The following NAALADL1 variants were observed in gnomAD, a reference collection of about 807,000 sequenced individuals.
NAALADL1 encodes aminopeptidase NAALADL1.
NAALADL1 carries 77 observed loss-of-function variants against 82.8 expected under a neutral mutation model. The observed-to-expected ratio is 0.93, with a 90% CI of 0.77 to 1.12. The LOEUF (loss-of-function observed/expected upper bound fraction) is 1.12. Among genes scored for constraint, NAALADL1 ranks in the 50% most tolerant of loss-of-function variants. The pLI is 0.00. For synonymous variants in NAALADL1, 358 were observed against 399.2 expected (o/e 0.90, Z 1.23); for missense variants, 956 against 964.0 (o/e 0.99, Z 0.11).
Position 65,054,777 on chromosome 11 carries a change from C to T in NAALADL1, c.604-39G>A, listed in dbSNP as rs368431974. ...AGGAGGCTGTGTGTAAGGGAGGGAC[C>T]GGGACCAGATATGTCCTATTCCTCT... On this transcript the variant is annotated intron_variant, in intron 4 of 17. Coordinates refer to ENST00000358658, the MANE Select transcript of NAALADL1 (RefSeq NM_005468.3). The surrounding 1 kb of genome is among the most constrained non-coding windows in gnomAD (Gnocchi z 4.3). 9.1e-5 allele frequency: 145 copies of T among 1,597,060 alleles called. No individual in the cohort carries two copies. The highest frequency in any genetic ancestry group is 1.1e-4 in the Non-Finnish European group (133 of 1,172,260).
chr11:65,057,081 G>A (rs1947059677), intron 4 of NAALADL1, among the ~76,000 whole-genome samples: 1 of 152,188 alleles, frequency 6.6e-6, no homozygotes, highest in Non-Finnish European at 1.5e-5. Flanking sequence ...GACTTAAGTT[G>A]AATATTCAAA....
intron 8 of NAALADL1, among the ~76,000 whole-genome samples, chr11:65,051,597 G>T (rs1030589537): frequency 6.6e-6 from 1 of 151,998 alleles, no homozygotes; most frequent in South Asian, 2.1e-4. Flanking sequence ...CTTCGAAAGT[G>T]CAGGGATAAC....
chr11:65,054,263 A>C lies in NAALADL1; in HGVS notation c.979T>G (p.Phe327Val). ...LGPGFRPDGD[F>V]PADSQVNVSV... ...GCTGCATCTCACCTGTCTGCTGGGA[A>C]GTCTCCGTCAGGCCGGAAGCCGGGA... is the stretch of plus-strand genomic sequence containing the variant. The change falls in exon 6 of 18, where the codon TTC (phenylalanine) becomes GTC (valine). Residue 327 changes from phenylalanine to valine, a missense_variant. By Grantham distance (50) the Phe-to-Val change is conservative (BLOSUM62 -1). Transcript: ENST00000358658. The surrounding 1 kb of genome is among the most constrained non-coding windows in gnomAD (Gnocchi z 4.3). The C allele has an allele frequency of 6.2e-7, 1 of 1,613,982 alleles. No individual in the cohort carries two copies. The highest frequency in any genetic ancestry group is 8.5e-7 in the Non-Finnish European group (1 of 1,179,920).
Position 65,046,017 on chromosome 11 carries a change from C to T in NAALADL1, c.1943+10G>A. 1.2e-6 allele frequency: 2 copies of T among 1,613,486 alleles called. No individual in the cohort carries two copies. Among genetic ancestry groups the T allele is most frequent in the South Asian group, 1.1e-5 (1 of 90,986 alleles). ...TGCCCTCCCAGCCCCTGCCCGCTGC[C>T]CTTGCTCACTCAGGGCTGCCCTTCT... On this transcript the variant is annotated intron_variant, in intron 16 of 17. Transcript: ENST00000358658.
Position 65,054,718 on chromosome 11 carries a change from G to A in NAALADL1, c.624C>T (p.His208=), listed in dbSNP as rs746633294. Residue 208 remains histidine (H), a synonymous_variant, in exon 5 of 18, where the codon CAC becomes CAT. Transcript: ENST00000358658. The surrounding 1 kb of genome is among the most constrained non-coding windows in gnomAD (Gnocchi z 4.3). ...RGAKAVNAAK[H]GVAGVLVYTD... ...TGTACACCAGCACCCCAGCTACCCC[G>A]TGCTTGGCAGCGTTCACAGCCTGCA... The A allele has an allele frequency of 4.4e-5, 71 of 1,613,698 alleles. No homozygotes were observed. In the Middle Eastern group the frequency reaches 4.9e-4, roughly 11 times the overall value.
At position 65,047,661 on chromosome 11, in the gene NAALADL1, G is replaced by T; in HGVS notation, c.1494C>A (p.Tyr498Ter). 1 of 1,605,550 alleles carries T rather than the reference G, an allele frequency of 6.2e-7. No homozygotes were observed. Among genetic ancestry groups the T allele is most frequent in the South Asian group, 1.1e-5 (1 of 88,740 alleles). ...CCTGGGCTTACCTGGGGACCAGGCC[G>T]TACACCGGGCTGCTGCGGTTGAAGT... ...IRYFNRSSPVYGLVPSLGSLG... is the reference protein window; with the variant it reads ...IRYFNRSSPV Residue 498 changes from tyrosine (Y) to a stop codon, truncating the protein, a stop_gained, in exon 12 of 18, where the codon TAC becomes TAA. Transcript: ENST00000358658. LOFTEE classifies it high-confidence loss of function.
intron 10 of NAALADL1, 39 bp downstream of exon 10, chr11:65,048,113 C>G: frequency 6.2e-7 from 1 of 1,614,098 alleles, no homozygotes; most frequent in African/African-American, 1.3e-5. Flanking sequence ...CCAGTCGTCC[C>G]GCCGTCTCCT....
Position 65,058,409 on chromosome 11 carries a change from T to A in NAALADL1, c.113A>T (p.Gln38Leu), listed in dbSNP as rs753786831. 3 of 1,613,990 alleles carry A rather than the reference T, an allele frequency of 1.9e-6. No homozygotes were observed. The South Asian group carries it at 3.3e-5, about 18-fold the overall frequency. ...IPKKANSLAPQDLDLEILETV... is the reference protein window; with the variant it reads ...IPKKANSLAPLDLDLEILETV... ...CTCCAGGATCTCCAGGTCCAGGTCC[T>A]GGGGGGCCAGTGAGTTGGCTTTTTT... The change falls in exon 1 of 18, where the codon CAG becomes CTG. Residue 38 changes from glutamine (Q) to leucine (L), a missense_variant. Physicochemically the swap from Gln to Leu is moderately radical, Grantham distance 113. Transcript: ENST00000358658.
chr11:65,047,666 C>T lies in NAALADL1; in HGVS notation c.1489G>A (p.Val497Met), dbSNP rs200312525. 129 of 1,606,750 alleles carry T rather than the reference C, an allele frequency of 8.0e-5. 1 individual carries two copies. The African/African-American group carries it at 1.6e-3, about 19-fold the overall frequency. ...GCTTACCTGGGGACCAGGCCGTACA[C>T]CGGGCTGCTGCGGTTGAAGTACCGG... ...WIRYFNRSSP[V>M]YGLVPSLGSL... The change falls in exon 12 of 18, where the codon GTG (valine) becomes ATG (methionine). Residue 497 changes from valine (V) to methionine (M), a missense_variant. Val to Met is a conservative substitution (Grantham distance 21, BLOSUM62 1). Transcript: ENST00000358658.
intron 17 of NAALADL1, 63 bp downstream of exon 17, chr11:65,045,759 A>C: frequency 2.0e-6 from 3 of 1,486,680 alleles, no homozygotes; most frequent in Non-Finnish European, 2.8e-6. Flanking sequence ...ACCTCGTCTC[A>C]GGTGGGGAGC....
rs1263271331 is a variant in NAALADL1 at position 65,046,447 on chromosome 11, G to A, written c.1679C>T (p.Pro560Leu). Residue 560 changes from proline to leucine, a missense_variant and splice_region_variant, in exon 14 of 18, where the codon CCG becomes CTG. Pro to Leu is a moderately conservative substitution (Grantham distance 98, BLOSUM62 -3). Transcript: ENST00000358658. ...TFDYVDKFLD[P>L]GFSSHQAVAR... The stretch of plus-strand genomic sequence containing the variant: ...ATGCCCCTTGTCTCCCTCCTCACCC[G>A]GGTCCAAAAACTTGTCCACATAGTC... The A allele has an allele frequency of 1.1e-5, 17 of 1,614,114 alleles. No individual in the cohort carries two copies. Among genetic ancestry groups the A allele is most frequent in the Non-Finnish European group, 1.4e-5 (17 of 1,180,022 alleles).
chr11:65,046,555 G>A lies in NAALADL1; in HGVS notation c.1600-29C>T, dbSNP rs757053684. The A allele has an allele frequency of 3.1e-5, 50 of 1,608,978 alleles. No individual in the cohort carries two copies. In the African/African-American group the frequency reaches 4.3e-4, roughly 14 times the overall value. On this transcript the variant is annotated intron_variant, in intron 13 of 17. Coordinates refer to ENST00000358658, the MANE Select transcript of NAALADL1 (RefSeq NM_005468.3). ...GGGGAACAAAGCCCAGAGGTGACAG[G>A]CTTGGGATGGGAAGTGGGAGAAGGT...
Position 65,057,468 on chromosome 11 carries a change from C to A in NAALADL1, c.506G>T (p.Gly169Val), listed in dbSNP as rs549790035. ...PQGLLVYANR[G>V]AEEDFKELQT... ...TAGCTCCTTAAAGTCTTCTTCCGCG[C>A]CCCGGTTGGCATAGACGAGGAGGCC... is the stretch of plus-strand genomic sequence containing the variant. Residue 169 changes from glycine to valine, a missense_variant, in exon 4 of 18, where the codon GGC becomes GTC. Coordinates refer to ENST00000358658, the MANE Select transcript of NAALADL1 (RefSeq NM_005468.3). 1 of 1,614,056 alleles carries A rather than the reference C, an allele frequency of 6.2e-7. No homozygotes were observed. The highest frequency in any genetic ancestry group is 2.2e-5 in the East Asian group (1 of 44,888).
chr11:65,060,123 CGT>C (rs139317710), upstream of NAALADL1, among the ~76,000 whole-genome samples: 296 of 146,444 alleles, frequency 2.0e-3, 1 homozygote, highest in South Asian at 3.7e-3. Context: ...CAGGGCAGAG[CGT>C]GTGTGTGTGT....
upstream of NAALADL1, among the ~76,000 whole-genome samples, chr11:65,059,257 C>T (rs1167261721): frequency 1.3e-5 from 2 of 152,198 alleles, no homozygotes; most frequent in Non-Finnish European, 2.9e-5. Flanking sequence ...AGGTGATCAC[C>T]CGCCTCAGCC....
chr11:65,060,755 A>G (rs890896372), upstream of NAALADL1, among the ~76,000 whole-genome samples: 1 of 152,040 alleles, frequency 6.6e-6, no homozygotes, highest in Admixed American at 6.6e-5. Flanking sequence ...TCTTTCCTTC[A>G]TCTTTGCTGT....
chr11:65,049,040 G>A (rs1946816927), intron 8 of NAALADL1, among the ~76,000 whole-genome samples: 1 of 152,082 alleles, frequency 6.6e-6, no homozygotes, highest in South Asian at 2.1e-4. Flanking sequence ...CCAGCCTGAG[G>A]GACTGAGTCT....
intron 8 of NAALADL1, among the ~76,000 whole-genome samples, chr11:65,051,315 C>CTTTCTTT (rs1946879993): frequency 1.2e-4 from 7 of 59,566 alleles, no homozygotes; most frequent in Admixed American, 2.3e-4. Flanking sequence ...TTCTTTCTTT[C>CTTTCTTT]TTTTTTTTTT....
intron 13 of NAALADL1, 135 bp downstream of exon 13, chr11:65,047,340 T>G (rs974229490): frequency 8.1e-6 from 5 of 615,372 alleles, no homozygotes; most frequent in Non-Finnish European, 1.3e-5. Context: ...TGTGTGTGTG[T>G]TTTTTTTTAA....
Sources: allele counts gnomAD v4.1 joint callset (sites outside exome capture counted in the v4.1 genomes callset), GRCh38; gene constraint gnomAD v4.1.1; non-coding constraint Gnocchi (gnomAD v3.1); transcripts MANE v1.5; gene names NCBI Gene and HGNC (gene_info 2026-07-23, HGNC 2026-07-21).